Variants in MYRIP observed in about 807,000 individuals in gnomAD.
The protein encoded by MYRIP is rab effector MyRIP.
In MYRIP, 49 loss-of-function variants were observed where a neutral mutation model predicts 98.0. The observed-to-expected ratio is 0.50, with a 90% confidence interval of 0.40 to 0.63. The LOEUF (loss-of-function observed/expected upper bound fraction) is 0.63. Among genes scored for constraint, MYRIP ranks in the 30% least tolerant of loss-of-function variants. The pLI, the probability that MYRIP is intolerant of heterozygous loss-of-function variation, is 0.00. For missense variants in MYRIP, 1,004 were observed against 1,058.2 expected (o/e 0.95, Z 0.71); for synonymous variants, 404 against 409.5 (o/e 0.99, Z 0.16).
intron 3 of MYRIP, among the ~76,000 whole-genome samples, chr3:40,102,626 T>A (rs986454249): frequency 2.0e-5 from 3 of 152,198 alleles, no homozygotes; most frequent in Middle Eastern, 3.4e-3. Flanking sequence ...GATGAGGATG[T>A]CCCTGGGAAA....
chr3:40,172,950 C>T (rs1223202361), intron 8 of MYRIP, among the ~76,000 whole-genome samples: 1 of 152,140 alleles, frequency 6.6e-6, no homozygotes, highest in East Asian at 1.9e-4. Context: ...AGAGACCTCA[C>T]CCCCCAGAAA....
intron 2 of MYRIP, among the ~76,000 whole-genome samples, chr3:40,023,145 C>T (rs1559368357): frequency 6.6e-6 from 1 of 152,098 alleles, no homozygotes; most frequent in African/African-American, 2.4e-5. Flanking sequence ...GAAGAGAAAG[C>T]CAGGTGGCTT....
At chr3:40,243,182 C>G (rs1345964045) in intron 12 of MYRIP, among the ~76,000 whole-genome samples, 1 of 152,174 alleles carries the variant, frequency 6.6e-6, no homozygotes, top group Non-Finnish European at 1.5e-5. Context: ...GTGACATCTT[C>G]TGTACCAGTC....
chr3:40,248,453 G>A (rs556725094), intron 13 of MYRIP: 2 of 152,304 alleles, frequency 1.3e-5, no homozygotes, highest in African/African-American at 4.8e-5. Flanking sequence ...CAAATGTATA[G>A]CTCCTTGGAC....
At position 39,826,016 on chromosome 3, in the gene MYRIP, T is replaced by C. The variant is rs112073913; in HGVS notation, c.-31+16100T>C. 1.8e-3 allele frequency among the ~76,000 whole-genome samples: 280 copies of C among 152,202 alleles called. 2 individuals are homozygous for C. The highest frequency in any genetic ancestry group is 5.9e-3 in the African/African-American group (245 of 41,568). ...CATGAGCCTTTGCATTTTGGTGATA[T>C]CCATTGTGACATCTTTTTTGTTTCT... On this transcript the variant is annotated intron_variant, in intron 1 of 16. Transcript: ENST00000302541.
chr3:40,250,540 C>G lies in MYRIP; in HGVS notation c.2428+41C>G, dbSNP rs374293099. On this transcript the variant is annotated intron_variant, in intron 15 of 16. Coordinates refer to ENST00000302541, the MANE Select transcript of MYRIP (RefSeq NM_015460.4). ...ACCACAAAGCTACCAAAAAATTAAG[C>G]CTGAATCATTTACTTTGGGTAACAA... 4.8e-4 allele frequency: 775 copies of G among 1,606,160 alleles called. 10 individuals are homozygous for G. Among genetic ancestry groups the G allele is most frequent in the Non-Finnish European group, 8.7e-5 (102 of 1,173,322 alleles).
intron 3 of MYRIP, among the ~76,000 whole-genome samples, chr3:40,089,776 G>GGAT (rs1222010011): frequency 6.6e-6 from 1 of 152,092 alleles, no homozygotes; most frequent in Non-Finnish European, 1.5e-5. Flanking sequence ...CCTTGGCAAT[G>GGAT]GATCGTTCAT....
chr3:40,236,784 T>A (rs1378564582), intron 12 of MYRIP, among the ~76,000 whole-genome samples: 1 of 152,160 alleles, frequency 6.6e-6, no homozygotes, highest in Non-Finnish European at 1.5e-5. Context: ...CAGAGTCAAC[T>A]GTGCTTTTGA....
At chr3:39,824,632 A>G (rs1234810232) in intron 1 of MYRIP, among the ~76,000 whole-genome samples, 2 of 151,274 alleles carry the variant, frequency 1.3e-5, no homozygotes, top group Non-Finnish European at 2.9e-5. Context: ...AGCCATTGTA[A>G]ATGGGATTGC....
intron 1 of MYRIP, among the ~76,000 whole-genome samples, chr3:39,820,169 G>A (rs1941062110): frequency 1.3e-5 from 2 of 152,206 alleles, no homozygotes; most frequent in African/African-American, 2.4e-5. Context: ...GGGATCTAAT[G>A]TGGCTATTTG....
intron 2 of MYRIP, among the ~76,000 whole-genome samples, chr3:40,009,470 T>A (rs1473058715): frequency 1.3e-5 from 2 of 152,160 alleles, no homozygotes; most frequent in African/African-American, 4.8e-5. Flanking sequence ...TCTCCTGACC[T>A]CATGATCCGC....
intron 3 of MYRIP, among the ~76,000 whole-genome samples, chr3:40,061,352 T>A (rs1575505060): frequency 2.6e-5 from 4 of 152,188 alleles, no homozygotes; most frequent in South Asian, 4.1e-4. Flanking sequence ...TTCTGTTCCT[T>A]TGTTAGTTTG....
At position 40,122,629 on chromosome 3, in the gene MYRIP, T is replaced by G. The variant is rs574589166; in HGVS notation, c.333-28419T>G. Among the ~76,000 whole-genome samples the G allele has an allele frequency of 1.4e-4, 21 of 152,012 alleles. No homozygotes were observed. The South Asian group carries it at 3.5e-3, about 25-fold the overall frequency. On this transcript the variant is annotated intron_variant, in intron 3 of 16. Transcript: ENST00000302541. Reference sequence around the variant, plus strand: ...CATTTAAATATACTTAGTACAACTTTTTCTCATTCATTTGGGGGACTAAAA... The same window carrying G: ...CATTTAAATATACTTAGTACAACTTGTTCTCATTCATTTGGGGGACTAAAA...
intron 2 of MYRIP, among the ~76,000 whole-genome samples, chr3:39,943,252 T>C (rs1355121607): frequency 6.6e-6 from 1 of 152,200 alleles, no homozygotes; most frequent in Non-Finnish European, 1.5e-5. Flanking sequence ...CACTCTCTTT[T>C]CTGTATTTTA....
chr3:40,243,412 A>AG (rs1953087615), intron 12 of MYRIP, among the ~76,000 whole-genome samples: 1 of 151,688 alleles, frequency 6.6e-6, no homozygotes, highest in Admixed American at 6.6e-5. Context: ...AAAAAAAAAA[A>AG]AAAAAAGTGC....
chr3:39,901,688 C>T (rs1943746987), intron 2 of MYRIP, among the ~76,000 whole-genome samples: 1 of 152,124 alleles, frequency 6.6e-6, no homozygotes, highest in Non-Finnish European at 1.5e-5. Flanking sequence ...CATCTTCTTC[C>T]TTAGACACTA....
intron 9 of MYRIP, among the ~76,000 whole-genome samples, chr3:40,183,854 A>T (rs763932902): frequency 7.9e-5 from 12 of 152,336 alleles, no homozygotes; most frequent in Non-Finnish European, 1.2e-4. Context: ...TATTATTTCT[A>T]CTCTAAAAGG....
chr3:40,202,922 T>G (rs986470686), intron 10 of MYRIP, among the ~76,000 whole-genome samples: 7 of 151,122 alleles, frequency 4.6e-5, no homozygotes, highest in African/African-American at 1.7e-4. Flanking sequence ...TATTTATTTA[T>G]TTATTTATTT....
intron 3 of MYRIP, among the ~76,000 whole-genome samples, chr3:40,082,538 G>A (rs1466984682): frequency 6.6e-6 from 1 of 151,872 alleles, no homozygotes; most frequent in African/African-American, 2.4e-5. Flanking sequence ...TTTATTTTCT[G>A]GGCCAGAAAT....
Sources: allele counts gnomAD v4.1 joint callset (sites outside exome capture counted in the v4.1 genomes callset), GRCh38; gene constraint gnomAD v4.1.1; transcripts MANE v1.5; gene names NCBI Gene and HGNC (gene_info 2026-07-23, HGNC 2026-07-21).